PDE4D: variants seen among roughly 807,000 people sequenced by gnomAD.
PDE4D encodes the protein 3',5'-cyclic-AMP phosphodiesterase 4D.
Under a neutral mutation model 87.4 loss-of-function variants are expected in PDE4D, and 24 were observed. The ratio of observed to expected loss-of-function variants is 0.27; its 90% confidence interval spans 0.20 to 0.39. The LOEUF (loss-of-function observed/expected upper bound fraction) is 0.39. Ranked by LOEUF, PDE4D falls within the 10% of genes least tolerant of loss-of-function variation. PDE4D has a pLI of 1.00. For synonymous variants in PDE4D, 384 were observed against 383.2 expected (o/e 1.00, Z -0.02); for missense variants, 714 against 1,041.0 (o/e 0.69, Z 4.32).
chr5:59,227,283 A>C, intron 1 of PDE4D, among the ~76,000 whole-genome samples: 1 of 152,208 alleles, frequency 6.6e-6, no homozygotes, highest in East Asian at 1.9e-4. Flanking sequence ...AGGTATAAAA[A>C]CCCTGGAAGA....
chr5:59,018,991 T>A (rs62358492), intron 6 of PDE4D, among the ~76,000 whole-genome samples: 15,455 of 151,238 alleles, frequency 0.1, 1,254 homozygotes, highest in East Asian at 0.47. Context: ...ACTGAAAGCT[T>A]ATAGGGCATT....
intron 1 of PDE4D, chr5:60,521,179 C>T (rs1394383580): frequency 6.6e-6 from 1 of 152,122 alleles, no homozygotes; most frequent in Non-Finnish European, 1.5e-5. Flanking sequence ...CCCATATTGC[C>T]CAAGTACAAA....
At position 58,988,596 on chromosome 5, in the gene PDE4D, GA is replaced by G; in HGVS notation, c.1453-5del. 7.0e-7 allele frequency: 1 copy of G among 1,422,066 alleles called. No homozygotes were observed. Among genetic ancestry groups the G allele is most frequent in the East Asian group, 2.5e-5 (1 of 39,232 alleles). 88.1% of individuals were successfully genotyped at this position (1,422,066 alleles called of 1,614,324 possible). On this transcript the variant is annotated splice_polypyrimidine_tract_variant and splice_region_variant and intron_variant, in intron 10 of 14. Transcript: ENST00000340635. ...TCTCCAAATCTGTAAACACAGCCTG[GA>G]AAATCAGACAATATAGATAATATTA...
At chr5:59,231,245 G>T (rs27548) in intron 1 of PDE4D, among the ~76,000 whole-genome samples, 100,145 of 152,008 alleles carry the variant, frequency 0.66, 33,558 homozygotes, top group Non-Finnish European at 0.69. Flanking sequence ...AAGCATAGAA[G>T]TCAATAATCA....
intron 1 of PDE4D, among the ~76,000 whole-genome samples, chr5:60,486,796 C>T (rs1362978969): frequency 6.6e-6 from 1 of 152,146 alleles, no homozygotes; most frequent in Non-Finnish European, 1.5e-5. Flanking sequence ...GAGAGTTATA[C>T]ATAGCACAAA....
At chr5:60,258,196 A>C (rs189837825) in intron 1 of PDE4D, among the ~76,000 whole-genome samples, 11 of 152,124 alleles carry the variant, frequency 7.2e-5, no homozygotes, top group Admixed American at 1.3e-4. Context: ...CCTGTTTCAT[A>C]CACTATCCTT....
At chr5:59,389,494 C>T (rs549848517) in intron 1 of PDE4D, among the ~76,000 whole-genome samples, 33 of 151,774 alleles carry the variant, frequency 2.2e-4, no homozygotes, top group Admixed American at 1.8e-3. Context: ...TATACACTGA[C>T]GATGGGAATG....
chr5:59,950,253 A>G (rs1038332854), intron 3 of PDE4D, among the ~76,000 whole-genome samples: 1 of 152,212 alleles, frequency 6.6e-6, no homozygotes, highest in African/African-American at 2.4e-5. Context: ...ACAAAGGCTA[A>G]TAACTCAGTA....
At chr5:59,440,763 C>T (rs957604963) in intron 1 of PDE4D, among the ~76,000 whole-genome samples, 12 of 151,734 alleles carry the variant, frequency 7.9e-5, no homozygotes, top group African/African-American at 2.7e-4. Flanking sequence ...GCAACAAATG[C>T]GAAACTCCAT....
rs536309207 is a variant in PDE4D at position 60,396,912 on chromosome 5, T to C, written c.-90+91030A>G. On this transcript the variant is annotated intron_variant, in intron 1 of 16. Transcript: ENST00000502484. ...ATTCAGACGTGGACCTCAAGGTAGGTTGGGAATTGTATGGAAACAAAGACG... is the reference window on the plus strand; with the variant it reads ...ATTCAGACGTGGACCTCAAGGTAGGCTGGGAATTGTATGGAAACAAAGACG... 8.1e-4 allele frequency among the ~76,000 whole-genome samples: 123 copies of C among 152,236 alleles called. 1 individual carries two copies. The highest frequency in any genetic ancestry group is 2.8e-3 in the African/African-American group (118 of 41,528).
intron 1 of PDE4D, among the ~76,000 whole-genome samples, chr5:60,511,527 T>C (rs1373138365): frequency 1.3e-5 from 2 of 149,740 alleles, no homozygotes; most frequent in Non-Finnish European, 3.0e-5. Flanking sequence ...TTAATAATAA[T>C]AATAATAATA....
chr5:60,457,275 C>A (rs1012033707), intron 1 of PDE4D, among the ~76,000 whole-genome samples: 3 of 152,098 alleles, frequency 2.0e-5, no homozygotes, highest in African/African-American at 7.2e-5. Context: ...AGTAATAAGG[C>A]CTTTTTCCCT....
intron 2 of PDE4D, among the ~76,000 whole-genome samples, chr5:60,163,079 A>G (rs1278825667): frequency 2.0e-5 from 3 of 152,138 alleles, no homozygotes; most frequent in Non-Finnish European, 4.4e-5. Flanking sequence ...ACTAAAACTC[A>G]AGGTCATTTT....
At position 59,023,901 on chromosome 5, in the gene PDE4D, CT is replaced by C. The variant is rs200528506; in HGVS notation, c.921+14957del. 2.8e-3 allele frequency among the ~76,000 whole-genome samples: 379 copies of C among 133,266 alleles called. 2 individuals are homozygous for C. Among genetic ancestry groups the C allele is most frequent in the East Asian group, 0.017 (81 of 4,692 alleles). The allele number at this position is 133,266 out of a possible 152,430, so 87.4% of individuals were successfully genotyped here. On this transcript the variant is annotated intron_variant, in intron 6 of 14. Transcript: ENST00000340635. ...CAAATAATTTTTCCCATGAATTCTA[CT>C]TTTTTTTTTTTTTTTTTTGAGATGG...
intron 1 of PDE4D, among the ~76,000 whole-genome samples, chr5:60,203,294 CA>C (rs1417607247): frequency 6.6e-6 from 1 of 152,116 alleles, no homozygotes; most frequent in Admixed American, 6.6e-5. Context: ...AAATACTTAA[CA>C]ATAGCAGATT....
At chr5:59,092,335 A>G (rs1377140309) in intron 5 of PDE4D, among the ~76,000 whole-genome samples, 1 of 152,188 alleles carries the variant, frequency 6.6e-6, no homozygotes, top group Non-Finnish European at 1.5e-5. Context: ...CAAAAGAGTA[A>G]GAGTACAGAA....
At chr5:60,251,266 C>T (rs761321994) in intron 1 of PDE4D, among the ~76,000 whole-genome samples, 48 of 151,490 alleles carry the variant, frequency 3.2e-4, no homozygotes, top group Non-Finnish European at 5.6e-4. Flanking sequence ...TATAAGTAGA[C>T]TCATGTCATG....
chr5:60,224,852 G>C (rs963590258), intron 1 of PDE4D, among the ~76,000 whole-genome samples: 2 of 151,960 alleles, frequency 1.3e-5, no homozygotes, highest in African/African-American at 2.4e-5. Flanking sequence ...TTTTAATCTG[G>C]GGGAGGCGGG....
At chr5:60,222,963 C>CA (rs1359572532) in intron 1 of PDE4D, among the ~76,000 whole-genome samples, 1 of 152,056 alleles carries the variant, frequency 6.6e-6, no homozygotes, top group Non-Finnish European at 1.5e-5. Context: ...AGCTATAACT[C>CA]AATTACTGGG....
Sources: gnomAD v4.1 joint callset for allele counts (sites outside exome capture counted in the v4.1 genomes callset) on GRCh38, gnomAD v4.1.1 for gene constraint, MANE v1.5 for transcripts, NCBI Gene and HGNC (gene_info 2026-07-23, HGNC 2026-07-21) for gene names.